The following TBXAS1 variants were observed in gnomAD, a reference collection of about 807,000 sequenced individuals.
TBXAS1 encodes thromboxane A synthase 1.
Under a neutral mutation model 60.7 loss-of-function variants are expected in TBXAS1, and 48 were observed. The ratio of observed to expected loss-of-function variants is 0.79; its 90% CI spans 0.63 to 1.01. The LOEUF (loss-of-function observed/expected upper bound fraction) is 1.01. Ranked by LOEUF, TBXAS1 falls within the 50% of genes least tolerant of loss-of-function variation. The pLI, the probability that TBXAS1 is intolerant of heterozygous loss-of-function variation, is 0.00. For synonymous variants in TBXAS1, 287 were observed against 269.7 expected, an observed-to-expected ratio of 1.06 and a Z score of -0.63; for missense variants, 685 against 686.3, an observed-to-expected ratio of 1.00 and a Z score of 0.02.
intron 1 of TBXAS1, among the ~76,000 whole-genome samples, chr7:139,846,599 A>G (rs1019239937): frequency 1.3e-5 from 2 of 152,178 alleles, no homozygotes; most frequent in Non-Finnish European, 2.9e-5. Context: ...CTTGGTTTTT[A>G]TTTTGTTTAT....
At chr7:139,782,052 G>C (rs1360019444) in intron 2 of TBXAS1, among the ~76,000 whole-genome samples, 1 of 151,700 alleles carries the variant, frequency 6.6e-6, no homozygotes, top group African/African-American at 2.4e-5. Flanking sequence ...TCCAAGCAGA[G>C]AGGGCCTTAC....
intron 9 of TBXAS1, among the ~76,000 whole-genome samples, chr7:140,002,570 T>A (rs1813749851): frequency 6.6e-6 from 1 of 151,380 alleles, no homozygotes; most frequent in Non-Finnish European, 1.5e-5. Flanking sequence ...GTGAGTGGGA[T>A]AGGGACTTGA....
chr7:140,011,750 T>C (rs1814637285), intron 10 of TBXAS1, among the ~76,000 whole-genome samples: 1 of 152,116 alleles, frequency 6.6e-6, no homozygotes, highest in Non-Finnish European at 1.5e-5. Flanking sequence ...GTTCTGGAGA[T>C]GGATGGCAGT....
chr7:140,006,799 G>T (rs953901765), intron 9 of TBXAS1, among the ~76,000 whole-genome samples: 1 of 152,138 alleles, frequency 6.6e-6, no homozygotes, highest in Admixed American at 6.5e-5. Context: ...CGGCCACATC[G>T]TCAGCTCCCA....
At chr7:139,913,572 C>T (rs1356924203) in intron 4 of TBXAS1, 1 of 171,646 alleles carries the variant, frequency 5.8e-6, no homozygotes, top group Non-Finnish European at 1.3e-5. Context: ...CTGCTAGGGG[C>T]AGACATACTC....
chr7:139,911,153 A>G (rs866621766), intron 3 of TBXAS1, 72 bp from the exon 4 acceptor site: 62 of 1,294,348 alleles, frequency 4.8e-5, no homozygotes, highest in Middle Eastern at 3.7e-4. Context: ...ATTCTAAGCT[A>G]CCGTGAACTC....
At chr7:139,780,177 A>G (rs1381790618) in intron 1 of TBXAS1, among the ~76,000 whole-genome samples, 1 of 152,214 alleles carries the variant, frequency 6.6e-6, no homozygotes, top group East Asian at 1.9e-4. Context: ...AATCTCTATC[A>G]TAGCCTTCAC....
At chr7:140,003,221 T>C (rs191545708) in intron 9 of TBXAS1, among the ~76,000 whole-genome samples, 3 of 151,878 alleles carry the variant, frequency 2.0e-5, no homozygotes, top group African/African-American at 7.2e-5. Flanking sequence ...TTTTGTTTGT[T>C]TGTCTGTTTG....
chr7:139,898,310 G>A (rs755598801), intron 3 of TBXAS1, among the ~76,000 whole-genome samples: 1 of 151,978 alleles, frequency 6.6e-6, no homozygotes, highest in East Asian at 1.9e-4. Context: ...AAACTGTCAC[G>A]GAGACAAGAA....
intron 1 of TBXAS1, among the ~76,000 whole-genome samples, chr7:139,850,326 G>C (rs933740479): frequency 3.3e-5 from 5 of 152,190 alleles, no homozygotes; most frequent in Non-Finnish European, 7.3e-5. Flanking sequence ...ATATAGACTA[G>C]TTAGTGTAAT....
chr7:139,967,521 C>T (rs1810881757), intron 9 of TBXAS1, among the ~76,000 whole-genome samples: 2 of 152,186 alleles, frequency 1.3e-5, no homozygotes, highest in Admixed American at 1.3e-4. Context: ...GCAAGAGTCT[C>T]TTTCCTGCAA....
chr7:139,813,955 G>A (rs180786502), intron 4 of TBXAS1, among the ~76,000 whole-genome samples: 4 of 152,306 alleles, frequency 2.6e-5, no homozygotes, highest in African/African-American at 9.6e-5. Flanking sequence ...TTATGTGGAT[G>A]TGGTTTTCAT....
chr7:139,933,877 G>A (rs190492375), intron 4 of TBXAS1, among the ~76,000 whole-genome samples: 5 of 148,442 alleles, frequency 3.4e-5, no homozygotes, highest in Admixed American at 1.3e-4. Context: ...GCAGGCTGGG[G>A]ACACTCTGAC....
At chr7:140,017,916 TG>T in intron 12 of TBXAS1, 83 bp downstream of exon 12, 1 of 1,593,156 alleles carries the variant, frequency 6.3e-7, no homozygotes, top group Non-Finnish European at 8.6e-7. Flanking sequence ...CAGGCCAGCC[TG>T]GGGGCAACAT....
At chr7:139,945,531 A>G (rs1808630193) in intron 5 of TBXAS1, among the ~76,000 whole-genome samples, 1 of 152,226 alleles carries the variant, frequency 6.6e-6, no homozygotes, top group Non-Finnish European at 1.5e-5. Flanking sequence ...TCAATCAGTC[A>G]TCACACAGGT....
intron 10 of TBXAS1, among the ~76,000 whole-genome samples, chr7:140,007,621 G>A (rs1441690086): frequency 6.6e-6 from 1 of 152,192 alleles, no homozygotes; most frequent in East Asian, 1.9e-4. Flanking sequence ...CATTCAGACA[G>A]TAGGGGACTG....
At chr7:139,967,870 C>T (rs1043912913) in intron 9 of TBXAS1, among the ~76,000 whole-genome samples, 8 of 152,170 alleles carry the variant, frequency 5.3e-5, no homozygotes, top group African/African-American at 1.7e-4. Context: ...TGATCATGTT[C>T]ACCTTCCCTC....
At chr7:139,953,077 A>C (rs1445079461) in intron 5 of TBXAS1, among the ~76,000 whole-genome samples, 1 of 152,242 alleles carries the variant, frequency 6.6e-6, no homozygotes, top group African/African-American at 2.4e-5. Flanking sequence ...TTGTCTAAGC[A>C]CTTAATGATC....
At chr7:139,991,281 C>G (rs1176588447) in intron 9 of TBXAS1, among the ~76,000 whole-genome samples, 1 of 152,192 alleles carries the variant, frequency 6.6e-6, no homozygotes, top group Non-Finnish European at 1.5e-5. Context: ...TTTCTGATCC[C>G]TCCCATCCCT....
Sources: gnomAD v4.1 joint callset for allele counts (sites outside exome capture counted in the v4.1 genomes callset) on GRCh38, gnomAD v4.1.1 for gene constraint, MANE v1.5 for transcripts, NCBI Gene and HGNC (gene_info 2026-07-23, HGNC 2026-07-21) for gene names.